The following ERFL variants were observed in gnomAD, a reference collection of about 807,000 sequenced individuals.
ERFL encodes ETS repressor factor like, also known as ETS domain-containing transcription factor ERF-like.
In ERFL, 8 loss-of-function variants were observed where a neutral mutation model predicts 27.9. That is an observed-to-expected ratio of 0.29 (90% CI 0.17 to 0.52). The LOEUF (loss-of-function observed/expected upper bound fraction) is 0.52. Among genes scored for constraint, ERFL ranks in the 20% least tolerant of loss-of-function variants. The pLI is 0.97. For missense variants in ERFL, 294 were observed against 444.4 expected (o/e 0.66, Z 3.04); for synonymous variants, 174 against 202.8 (o/e 0.86, Z 1.21).
Position 41,909,215 on chromosome 19 carries a change from GT to G in ERFL, c.499-39del. ...TGGGAGAAGCCGCCCTTCTCAGACT[GT>G]CCCCTCCCCAGAGTGGGCACCAAGT... On this transcript the variant is annotated intron_variant, in intron 4 of 5. Transcript: ENST00000597630. The surrounding 1 kb of genome is among the most constrained non-coding windows in gnomAD (Gnocchi z 5.2). 1 of 1,230,722 alleles carries G rather than the reference GT, an allele frequency of 8.1e-7. No individual in the cohort carries two copies. The allele number at this position is 1,230,722 out of a possible 1,614,324, so 76.2% of individuals were successfully genotyped here. A position where few individuals can be genotyped will look rare whatever the true frequency, so the allele number is the denominator to read the frequency against.
At chr19:41,914,969 C>T (rs186540406) in intron 1 of ERFL, among the ~76,000 whole-genome samples, 14,474 of 78,100 alleles carry the variant, frequency 0.19, 3,682 homozygotes, top group African/African-American at 0.68. Flanking sequence ...TCTGTCTCTC[C>T]CTCCCTCCCC....
chr19:41,918,433 CACAT>C (rs565001745), intron 1 of ERFL, among the ~76,000 whole-genome samples: 15 of 147,424 alleles, frequency 1.0e-4, no homozygotes, highest in Non-Finnish European at 2.1e-4. Flanking sequence ...ATCACACACA[CACAT>C]AAATACACCA....
chr19:41,923,086 C>T (rs1367136181), intron 1 of ERFL: 1 of 454,072 alleles, frequency 2.2e-6, no homozygotes, highest in African/African-American at 2.0e-5. Context: ...CTTTTGCTTC[C>T]CTCAGCACCC....
Position 41,917,916 on chromosome 19 carries a change from G to GTCACACACTGTGTGTGTGTGTGC in ERFL, c.-13-5007_-13-4985dup, listed in dbSNP as rs1204062704. Among the ~76,000 whole-genome samples the GTCACACACTGTGTGTGTGTGTGC allele has an allele frequency of 2.0e-5, 3 of 151,856 alleles. No individual in the cohort carries two copies. The highest frequency in any genetic ancestry group is 2.9e-5 in the Non-Finnish European group (2 of 67,964). ...GGGTGCACGAAGCCAGCTCCCCGCGGTCACACACTGTGTGTGTGTGTGCTC... is the reference window on the plus strand; with the variant it reads ...GGGTGCACGAAGCCAGCTCCCCGCGGTCACACACTGTGTGTGTGTGTGCTCACACACTGTGTGTGTGTGTGCTC... On this transcript the variant is annotated intron_variant, in intron 1 of 5. Transcript: ENST00000597630. This position sits in a 1 kb window ranked among gnomAD's most constrained non-coding sequence, Gnocchi z 4.8.
rs1247308451 is a variant in ERFL, at chr19:41,921,765, G to A, written c.-14+6275C>T. On this transcript the variant is annotated intron_variant, in intron 1 of 5. Coordinates refer to ENST00000597630, the MANE Select transcript of ERFL (RefSeq NM_001365103.2). This position sits in a 1 kb window ranked among gnomAD's most constrained non-coding sequence, Gnocchi z 4.4. ...GGCTCAGGTGTAGGCCGGGTGGCGG[G>A]CAGACCTAAGGTGTGGATTCCTCGT... Among the ~76,000 whole-genome samples, 1 of 151,998 alleles carries A rather than the reference G, an allele frequency of 6.6e-6. No homozygotes were observed. Among genetic ancestry groups the A allele is most frequent in the East Asian group, 1.9e-4 (1 of 5,186 alleles).
intron 1 of ERFL, among the ~76,000 whole-genome samples, chr19:41,919,149 A>T (rs1292621900): frequency 1.3e-5 from 2 of 151,990 alleles, no homozygotes; most frequent in Admixed American, 1.3e-4. Context: ...CACCACACTC[A>T]CACACCACTC....
In ERFL at chr19:41,909,097, T is replaced by C. The variant is rs2074737746; in HGVS notation, c.579A>G (p.Lys193=). Residue 193 remains lysine (K), a synonymous_variant, in exon 5 of 6, where the codon AAA becomes AAG. Coordinates refer to ENST00000597630, the MANE Select transcript of ERFL (RefSeq NM_001365103.2). This position sits in a 1 kb window ranked among gnomAD's most constrained non-coding sequence, Gnocchi z 5.2. Reference sequence around the variant, plus strand: ...ATGGGAAAGGGCTGTCCAGACGCAATTTATCTGTCTCGGAGGTGAACAGGG... The same window carrying C: ...ATGGGAAAGGGCTGTCCAGACGCAACTTATCTGTCTCGGAGGTGAACAGGG... ...RTPLFTSETD[K]LRLDSPFPFL... The C allele has an allele frequency of 8.1e-7, 1 of 1,231,576 alleles. No individual in the cohort carries two copies. Among genetic ancestry groups the C allele is most frequent in the South Asian group, 4.1e-5 (1 of 24,322 alleles). 76.3% of individuals were successfully genotyped at this position (1,231,576 alleles called of 1,614,324 possible). A position where few individuals can be genotyped will look rare whatever the true frequency, so the allele number is the denominator to read the frequency against.
At chr19:41,911,872 C>T (rs1348109535) in intron 2 of ERFL, among the ~76,000 whole-genome samples, 3 of 151,358 alleles carry the variant, frequency 2.0e-5, no homozygotes, top group South Asian at 4.1e-4. Context: ...AGTAGGCAGA[C>T]ACACACATGT....
intron 1 of ERFL, among the ~76,000 whole-genome samples, chr19:41,919,450 C>G (rs992927428): frequency 2.0e-5 from 3 of 151,990 alleles, no homozygotes; most frequent in Non-Finnish European, 4.4e-5. Context: ...TGTTATGAAC[C>G]AACACTCAAG....
Position 41,908,188 on chromosome 19 carries a change from C to T in ERFL, c.*40G>A. 1 of 1,226,722 alleles carries T rather than the reference C, an allele frequency of 8.2e-7. No homozygotes were observed. The highest frequency in any genetic ancestry group is 1.0e-6 in the Non-Finnish European group (1 of 983,460). 76.0% of individuals were successfully genotyped at this position (1,226,722 alleles called of 1,614,324 possible). A position where few individuals can be genotyped will look rare whatever the true frequency, so the allele number is the denominator to read the frequency against. The stretch of plus-strand genomic sequence containing the variant: ...CATCAAGGGCAGACGGGCAGCCACC[C>T]TGGTCCCTGCCTCAGCAGAATCCAT... On this transcript the variant is annotated 3_prime_UTR_variant, in exon 6 of 6. Coordinates refer to ENST00000597630, the MANE Select transcript of ERFL (RefSeq NM_001365103.2). The surrounding 1 kb of genome is among the most constrained non-coding windows in gnomAD (Gnocchi z 6.7).
At chr19:41,920,174 T>G (rs1555852340) in intron 1 of ERFL, among the ~76,000 whole-genome samples, 1 of 102,100 alleles carries the variant, frequency 9.8e-6, no homozygotes, top group Admixed American at 1.3e-4. Flanking sequence ...CACTCAGACA[T>G]GACACGCTCA....
chr19:41,917,928 G>A lies in ERFL; in HGVS notation c.-13-4996C>T, dbSNP rs927705863. On this transcript the variant is annotated intron_variant, in intron 1 of 5. Coordinates refer to ENST00000597630, the MANE Select transcript of ERFL (RefSeq NM_001365103.2). The surrounding 1 kb of genome is among the most constrained non-coding windows in gnomAD (Gnocchi z 4.8). ...CCAGCTCCCCGCGGTCACACACTGT[G>A]TGTGTGTGTGCTCACACACCTGTCC... 3.3e-5 allele frequency among the ~76,000 whole-genome samples: 5 copies of A among 151,922 alleles called. No individual in the cohort carries two copies. Among genetic ancestry groups the A allele is most frequent in the African/African-American group, 1.2e-4 (5 of 41,308 alleles).
At chr19:41,914,061 C>A (rs1443099708) in intron 1 of ERFL, among the ~76,000 whole-genome samples, 1 of 59,666 alleles carries the variant, frequency 1.7e-5, no homozygotes, top group African/African-American at 7.9e-5. Context: ...ACACTGTGTT[C>A]CCCCGTGAGC....
Position 41,916,551 on chromosome 19 carries a change from T to C in ERFL, c.-13-3619A>G, listed in dbSNP as rs1186588881. On this transcript the variant is annotated intron_variant, in intron 1 of 5. Transcript: ENST00000597630. The surrounding 1 kb of genome is among the most constrained non-coding windows in gnomAD (Gnocchi z 5.4). ...AAAATCACAAATCCTAGACACACTG[T>C]GTAAACACATAATCACACACTGAGG... 6.6e-6 allele frequency among the ~76,000 whole-genome samples: 1 copy of C among 151,936 alleles called. No individual in the cohort carries two copies. Among genetic ancestry groups the C allele is most frequent in the African/African-American group, 2.4e-5 (1 of 41,372 alleles).
chr19:41,922,101 G>C (rs2074845754), intron 1 of ERFL, among the ~76,000 whole-genome samples: 1 of 152,144 alleles, frequency 6.6e-6, no homozygotes, highest in Non-Finnish European at 1.5e-5. Flanking sequence ...GGCGGGGGCA[G>C]AGAGCTGAAG....
At chr19:41,927,515 G>T (rs2074878612) in intron 1 of ERFL, among the ~76,000 whole-genome samples, 2 of 152,020 alleles carry the variant, frequency 1.3e-5, no homozygotes, top group South Asian at 2.1e-4. Flanking sequence ...CACACCCCCA[G>T]TCCTGACTCC....
intron 1 of ERFL, among the ~76,000 whole-genome samples, chr19:41,922,856 A>T (rs2074850267): frequency 6.6e-6 from 1 of 152,196 alleles, no homozygotes; most frequent in African/African-American, 2.4e-5. Context: ...ACTGCCGCCG[A>T]GGCGGATCGA....
Position 41,917,012 on chromosome 19 carries a change from G to GCA in ERFL, c.-13-4081_-13-4080insTG, listed in dbSNP as rs200291630. Among the ~76,000 whole-genome samples, 4 of 97,208 alleles carry GCA rather than the reference G, an allele frequency of 4.1e-5. No individual in the cohort carries two copies. In the African/African-American group the frequency reaches 6.3e-4, roughly 15 times the overall value. 63.8% of individuals were successfully genotyped at this position (97,208 alleles called of 152,430 possible). ...TTCCCAAGCATGTCTCTGCATGGGT[G>GCA]TGTGTGTGTGTGTGCACATATGTGA... On this transcript the variant is annotated intron_variant, in intron 1 of 5. Coordinates refer to ENST00000597630, the MANE Select transcript of ERFL (RefSeq NM_001365103.2). The surrounding 1 kb of genome is among the most constrained non-coding windows in gnomAD (Gnocchi z 4.8).
chr19:41,908,688 A>G lies in ERFL; in HGVS notation c.617-12T>C. 8.1e-7 allele frequency: 1 copy of G among 1,227,914 alleles called. No individual in the cohort carries two copies. The highest frequency in any genetic ancestry group is 1.0e-6 in the Non-Finnish European group (1 of 984,628). 76.1% of individuals were successfully genotyped at this position (1,227,914 alleles called of 1,614,324 possible). On this transcript the variant is annotated splice_polypyrimidine_tract_variant and intron_variant, in intron 5 of 5. Transcript: ENST00000597630. This position sits in a 1 kb window ranked among gnomAD's most constrained non-coding sequence, Gnocchi z 6.7. ...ATAGCTGGTGGCACCTGGGGGGCAC[A>G]GGGGTAGGTCAGGCTGGGGCACCTG... is the stretch of plus-strand genomic sequence containing the variant.
Sources: allele counts gnomAD v4.1 joint callset (sites outside exome capture counted in the v4.1 genomes callset), GRCh38; gene constraint gnomAD v4.1.1; non-coding constraint Gnocchi (gnomAD v3.1); transcripts MANE v1.5; gene names NCBI Gene and HGNC (gene_info 2026-07-23, HGNC 2026-07-21).